DNAAF3: variants seen among roughly 807,000 people sequenced by gnomAD.
DNAAF3 encodes dynein axonemal assembly factor 3.
In DNAAF3, 40 loss-of-function variants were observed where a neutral mutation model predicts 50.9. The ratio of observed to expected loss-of-function variants is 0.79; its 90% CI spans 0.61 to 1.02. The LOEUF is 1.02. Among genes scored for constraint, DNAAF3 ranks in the 50% least tolerant of loss-of-function variants. DNAAF3 has a pLI of 0.00. For synonymous variants in DNAAF3, 327 were observed against 322.8 expected, an observed-to-expected ratio of 1.01 and a Z score of -0.14; for missense variants, 763 against 744.7, an observed-to-expected ratio of 1.02 and a Z score of -0.29.
In DNAAF3 at chr19:55,162,181, G is replaced by A. The variant is rs1346019516; in HGVS notation, c.432C>T (p.Pro144=). 1.6e-6 allele frequency: 2 copies of A among 1,253,276 alleles called. No individual in the cohort carries two copies. Among genetic ancestry groups the A allele is most frequent in the Admixed American group, 4.1e-5 (1 of 24,368 alleles). 77.6% of individuals were successfully genotyped at this position (1,253,276 alleles called of 1,614,324 possible). The change falls in exon 5 of 12, where the codon CCC becomes CCT. Residue 144 remains proline, a synonymous_variant. Transcript: ENST00000524407. ...ADLLAHLVPE[P]DRLEEQLPWL... is the part of the protein sequence containing the mutation. ...AGGGCAGCTGTTCCTCCAGGCGGTC[G>A]GGCTCGGGGACCAGGTGCGCCAGCA...
In DNAAF3 at chr19:55,161,256, C is replaced by T. The variant is rs1464070389; in HGVS notation, c.789+37G>A. On this transcript the variant is annotated intron_variant, in intron 7 of 11. Transcript: ENST00000524407. The surrounding 1 kb of genome is among the most constrained non-coding windows in gnomAD (Gnocchi z 6.4). Reference sequence around the variant, plus strand: ...GGCCCCTGACTCCTAGGACTCCGAGCAGCAGCAGTGGGCCAGGACAGGCAG... The same window carrying T: ...GGCCCCTGACTCCTAGGACTCCGAGTAGCAGCAGTGGGCCAGGACAGGCAG... 5.0e-6 allele frequency: 8 copies of T among 1,598,176 alleles called. No individual in the cohort carries two copies. Among genetic ancestry groups the T allele is most frequent in the Non-Finnish European group, 6.8e-6 (8 of 1,169,102 alleles).
intron 3 of DNAAF3, 43 bp downstream of exon 3, chr19:55,165,815 C>T: frequency 6.2e-7 from 1 of 1,601,224 alleles, no homozygotes; most frequent in Non-Finnish European, 8.5e-7. Flanking sequence ...CTTCCTCCCT[C>T]AAGGACTCGG....
rs67301370 is a variant in DNAAF3 at position 55,159,722 on chromosome 19, TG to T, written c.1164-116del. The T allele has an allele frequency of 0.2, 317,302 of 1,575,720 alleles. 39,471 individuals are homozygous for T. The highest frequency in any genetic ancestry group is 0.6 in the African/African-American group (43,695 of 73,296). ...GGTGGCAAAACTGGAGTCTGGGTCC[TG>T]GGGAAAGAAGGGAGCAGGAGGTCTG... On this transcript the variant is annotated intron_variant, in intron 10 of 11. Coordinates refer to ENST00000524407, the MANE Select transcript of DNAAF3 (RefSeq NM_001256715.2).
chr19:55,162,104 G>T (rs1390312564), intron 5 of DNAAF3, 29 bp downstream of exon 5: 2 of 1,242,086 alleles, frequency 1.6e-6, no homozygotes, highest in Non-Finnish European at 1.0e-6. Context: ...GCGGCCACCC[G>T]ATCCCAGATG....
rs2085831853 is a variant in DNAAF3, at chr19:55,161,525, C to T, written c.664-107G>A. The T allele has an allele frequency of 6.7e-7, 1 of 1,494,346 alleles. No individual in the cohort carries two copies. Among genetic ancestry groups the T allele is most frequent in the African/African-American group, 1.4e-5 (1 of 71,640 alleles). The allele number at this position is 1,494,346 out of a possible 1,614,324, so 92.6% of individuals were successfully genotyped here. A position where few individuals can be genotyped will look rare whatever the true frequency, so the allele number is the denominator to read the frequency against. On this transcript the variant is annotated intron_variant, in intron 6 of 11. Transcript: ENST00000524407. The surrounding 1 kb of genome is among the most constrained non-coding windows in gnomAD (Gnocchi z 6.4). ...GAGTCCAGGTCCCCAGGCCCTCCTC[C>T]CTCAGACCCAGGAGTTCAGGCCCCC...
chr19:55,159,262 G>A lies in DNAAF3; in HGVS notation c.1426C>T (p.Leu476Phe). Residue 476 changes from leucine (L) to phenylalanine (F), a missense_variant, in exon 12 of 12, where the codon CTT becomes TTT. Coordinates refer to ENST00000524407, the MANE Select transcript of DNAAF3 (RefSeq NM_001256715.2). The part of the protein sequence containing the change: ...VPAVEPGTPP[L>F]DILAQPLEAS... ...TCAAGAGGCTGGGCCAGGATGTCAA[G>A]GGGCGGAGTTCCGGGTTCCACAGCT... 3.1e-6 allele frequency: 5 copies of A among 1,614,042 alleles called. No individual in the cohort carries two copies. The highest frequency in any genetic ancestry group is 1.3e-5 in the African/African-American group (1 of 75,062).
chr19:55,162,997 C>CTTTTTTTTTTTTTTTTTTTT (rs576178532), intron 4 of DNAAF3, among the ~76,000 whole-genome samples: 10 of 92,162 alleles, frequency 1.1e-4, no homozygotes, highest in Non-Finnish European at 1.9e-4. Context: ...TTTTCTTTTT[C>CTTTTTTTTTTTTTTTTTTTT]TTTTTTTTTT....
chr19:55,165,230 A>G (rs956887614), intron 4 of DNAAF3, 140 bp downstream of exon 4: 11 of 773,574 alleles, frequency 1.4e-5, no homozygotes, highest in Admixed American at 2.3e-5. Flanking sequence ...CTGGAGTGCA[A>G]TGGCGCGATC....
chr19:55,162,014 G>A, intron 5 of DNAAF3, 119 bp downstream of exon 5: 1 of 1,339,936 alleles, frequency 7.5e-7, no homozygotes, highest in African/African-American at 1.5e-5. Context: ...TGGGAGTCGG[G>A]GAACTGGGAT....
Position 55,161,012 on chromosome 19 carries a change from A to T in DNAAF3, c.912+53T>A. 1 of 1,493,430 alleles carries T rather than the reference A, an allele frequency of 6.7e-7. No homozygotes were observed. The highest frequency in any genetic ancestry group is 8.9e-7 in the Non-Finnish European group (1 of 1,122,874). The allele number at this position is 1,493,430 out of a possible 1,614,324, so 92.5% of individuals were successfully genotyped here. ...CTGCTGTGGGGGCGGGGCCTTGCGC[A>T]CCCACCGACCCCCAGCCCCACCTCT... On this transcript the variant is annotated intron_variant, in intron 8 of 11. Coordinates refer to ENST00000524407, the MANE Select transcript of DNAAF3 (RefSeq NM_001256715.2). The surrounding 1 kb of genome is among the most constrained non-coding windows in gnomAD (Gnocchi z 6.4).
intron 4 of DNAAF3, among the ~76,000 whole-genome samples, chr19:55,164,001 T>C (rs1408053589): frequency 6.6e-6 from 1 of 152,162 alleles, no homozygotes; most frequent in Non-Finnish European, 1.5e-5. Context: ...GTTCTCGTGA[T>C]AGTGAGTTCC....
chr19:55,164,288 C>G (rs1481576084), intron 4 of DNAAF3, among the ~76,000 whole-genome samples: 2 of 152,128 alleles, frequency 1.3e-5, no homozygotes, highest in African/African-American at 4.8e-5. Flanking sequence ...CGAGACCATC[C>G]TGGCCAACAT....
rs773160072 is a variant in DNAAF3 at position 55,160,042 on chromosome 19, C to G, written c.1049-29G>C. 8 of 1,487,734 alleles carry G rather than the reference C, an allele frequency of 5.4e-6. No individual in the cohort carries two copies. The allele number at this position is 1,487,734 out of a possible 1,614,324, so 92.2% of individuals were successfully genotyped here. A position where few individuals can be genotyped will look rare whatever the true frequency, so the allele number is the denominator to read the frequency against. On this transcript the variant is annotated intron_variant, in intron 9 of 11. Coordinates refer to ENST00000524407, the MANE Select transcript of DNAAF3 (RefSeq NM_001256715.2). This position sits in a 1 kb window ranked among gnomAD's most constrained non-coding sequence, Gnocchi z 4.7. ...GGGGAAGGGGATAGAGGGGTCACCT[C>G]TGACAGGCGGAGCCATAAGGGCGGA...
rs1317129577 is a variant in DNAAF3, at chr19:55,159,431, C to CCGCA, written c.1253_1256dup (p.Gln420AlafsTer59). Reference sequence around the variant, plus strand: ...TGTTGAATCCCTGCAGCTGCTCCTGCCGCACGTCCACCAGGTACCTGCAGA... The same window carrying CCGCA: ...TGTTGAATCCCTGCAGCTGCTCCTGCCGCACGCACGTCCACCAGGTACCTGCAGA... On this transcript the variant is annotated frameshift_variant, in exon 12 of 12. Coordinates refer to ENST00000524407, the MANE Select transcript of DNAAF3 (RefSeq NM_001256715.2). LOFTEE classifies it low-confidence loss of function (END_TRUNC). 1.2e-6 allele frequency: 2 copies of CCGCA among 1,613,970 alleles called. No individual in the cohort carries two copies. The highest frequency in any genetic ancestry group is 1.1e-5 in the South Asian group (1 of 91,078).
At position 55,161,739 on chromosome 19, in the gene DNAAF3, G is replaced by A. The variant is rs1262064952; in HGVS notation, c.567C>T (p.Leu189=). 1 of 1,539,062 alleles carries A rather than the reference G, an allele frequency of 6.5e-7. No individual in the cohort carries two copies. The highest frequency in any genetic ancestry group is 1.4e-5 in the African/African-American group (1 of 72,812). Residue 189 remains leucine (L), a synonymous_variant, in exon 6 of 12, where the codon CTC becomes CTT. Coordinates refer to ENST00000524407, the MANE Select transcript of DNAAF3 (RefSeq NM_001256715.2). This position sits in a 1 kb window ranked among gnomAD's most constrained non-coding sequence, Gnocchi z 6.4. ...KGPQAFPMSR[L]WDSRLRHYLG... ...GGTAGTGGCGCAGGCGCGAGTCCCA[G>A]AGGCGGCTCATGGGGAACGCCTGGG...
At chr19:55,162,811 T>A in intron 4 of DNAAF3, 1 of 486,194 alleles carries the variant, frequency 2.1e-6, no homozygotes, top group South Asian at 8.8e-5. Context: ...TGTAAGTACA[T>A]CTTTTTTGTT....
chr19:55,161,159 T>C lies in DNAAF3; in HGVS notation c.818A>G (p.Tyr273Cys). The C allele has an allele frequency of 6.4e-7, 1 of 1,559,016 alleles. No individual in the cohort carries two copies. Among genetic ancestry groups the C allele is most frequent in the East Asian group, 2.4e-5 (1 of 41,382 alleles). ...YRGERVAARGYWGDIATGPFV... is the reference protein window; with the variant it reads ...YRGERVAARGCWGDIATGPFV... ...GGGCCCCGTGGCGATGTCCCCCCAG[T>C]ACCCGCGCGCTGCCACGCGCTCCCC... is the stretch of plus-strand genomic sequence containing the variant. The change falls in exon 8 of 12, where the codon TAC (tyrosine) becomes TGC (cysteine). Residue 273 changes from tyrosine (Y) to cysteine (C), a missense_variant. By Grantham distance (194) the Tyr-to-Cys change is radical. Transcript: ENST00000524407. This position sits in a 1 kb window ranked among gnomAD's most constrained non-coding sequence, Gnocchi z 6.4.
rs1431175274 is a variant in DNAAF3, at chr19:55,159,056, G to A, written c.*6C>T. 1.0e-5 allele frequency: 16 copies of A among 1,576,090 alleles called. No individual in the cohort carries two copies. The highest frequency in any genetic ancestry group is 1.3e-5 in the Non-Finnish European group (15 of 1,160,404). On this transcript the variant is annotated 3_prime_UTR_variant, in exon 12 of 12. Coordinates refer to ENST00000524407, the MANE Select transcript of DNAAF3 (RefSeq NM_001256715.2). Reference sequence around the variant, plus strand: ...AGTTGGAGATAAGGGGTGTCTAGGGGTTGGGTCAGACTCCAGTTTTGGAGT... The same window carrying A: ...AGTTGGAGATAAGGGGTGTCTAGGGATTGGGTCAGACTCCAGTTTTGGAGT...
rs373489149 is a variant in DNAAF3, at chr19:55,159,432, C to T, written c.1256G>A (p.Arg419Gln). The T allele has an allele frequency of 5.3e-5, 85 of 1,613,822 alleles. No individual in the cohort carries two copies. In the East Asian group the frequency reaches 7.6e-4, roughly 14 times the overall value. ...GTTGAATCCCTGCAGCTGCTCCTGC[C>T]GCACGTCCACCAGGTACCTGCAGAT... ...VELARYLVDV[R>Q]QEQLQGFNTR... is the part of the protein sequence containing the mutation. Residue 419 changes from arginine to glutamine, a missense_variant, in exon 12 of 12, where the codon CGG becomes CAG. Transcript: ENST00000524407.
Sources: gnomAD v4.1 joint callset for allele counts (sites outside exome capture counted in the v4.1 genomes callset) on GRCh38, gnomAD v4.1.1 for gene constraint, Gnocchi (gnomAD v3.1) non-coding constraint, MANE v1.5 for transcripts, NCBI Gene and HGNC (gene_info 2026-07-23, HGNC 2026-07-21) for gene names.